The following ROCK1 variants were observed in gnomAD, a reference collection of about 807,000 sequenced individuals.
The protein encoded by ROCK1 is Rho associated coiled-coil containing protein kinase 1, also known as rho-associated protein kinase 1.
ROCK1 carries 36 observed loss-of-function variants against 196.8 expected under a neutral mutation model. The observed-to-expected ratio is 0.18, with a 90% CI of 0.14 to 0.24. The LOEUF (loss-of-function observed/expected upper bound fraction) is 0.24, where lower values mean the gene tolerates loss of function less well. ROCK1 is among the 10% of genes least tolerant of loss of function. ROCK1 has a pLI of 1.00. For synonymous variants in ROCK1, 443 were observed against 515.9 expected (o/e 0.86, Z 1.91); for missense variants, 920 against 1,562.0 (o/e 0.59, Z 6.93).
At chr18:21,032,506 G>GTTTTTTTTT (rs368055407) in intron 9 of ROCK1, among the ~76,000 whole-genome samples, 1 of 129,254 alleles carries the variant, frequency 7.7e-6, no homozygotes, top group African/African-American at 2.9e-5. Flanking sequence ...AAATAGGAAA[G>GTTTTTTTTT]TTTTTTTTTT....
At chr18:21,037,648 T>C (rs191485768) in intron 9 of ROCK1, among the ~76,000 whole-genome samples, 2 of 152,258 alleles carry the variant, frequency 1.3e-5, no homozygotes, top group Admixed American at 1.3e-4. Context: ...CCAAAATTCT[T>C]TTAAGTATGC....
At chr18:21,015,338 T>C (rs1217189468) in intron 13 of ROCK1, 93 bp downstream of exon 13, 12 of 864,014 alleles carry the variant, frequency 1.4e-5, no homozygotes, top group Non-Finnish European at 2.3e-5. Context: ...TGTTTCAAAC[T>C]ACAGAATTCA....
In ROCK1 at chr18:20,949,660, T is replaced by C. The variant is rs1048039487; in HGVS notation, c.*1724A>G. ...GATGTGTAGAAATGCAAGAGACCCA[T>C]GGAGAATTGTTTTCCAACACACTTT... On this transcript the variant is annotated 3_prime_UTR_variant, in exon 33 of 33. Transcript: ENST00000399799. 6.6e-6 allele frequency: 1 copy of C among 152,292 alleles called. No homozygotes were observed. The highest frequency in any genetic ancestry group is 2.4e-5 in the African/African-American group (1 of 41,464). 9.4% of individuals were successfully genotyped at this position (152,292 alleles called of 1,614,324 possible).
At chr18:21,050,488 C>T (rs941376250) in intron 2 of ROCK1, among the ~76,000 whole-genome samples, 16 of 152,076 alleles carry the variant, frequency 1.1e-4, no homozygotes, top group Admixed American at 9.8e-4. Context: ...ATACTACAAA[C>T]TACAATAATT....
At chr18:21,044,708 C>T (rs1014558972) in intron 5 of ROCK1, among the ~76,000 whole-genome samples, 1 of 152,184 alleles carries the variant, frequency 6.6e-6, no homozygotes, top group African/African-American at 2.4e-5. Context: ...AAGTGTTTAA[C>T]TCCTGGCACA....
intron 22 of ROCK1, among the ~76,000 whole-genome samples, chr18:20,978,079 G>C (rs558031842): frequency 6.6e-6 from 1 of 151,894 alleles, no homozygotes; most frequent in African/African-American, 2.4e-5. Flanking sequence ...TAATCAACTC[G>C]ATTAAGGCAA....
At chr18:20,973,844 G>T (rs1490063143) in intron 22 of ROCK1, among the ~76,000 whole-genome samples, 2 of 150,598 alleles carry the variant, frequency 1.3e-5, no homozygotes, top group Non-Finnish European at 3.0e-5. Flanking sequence ...ACCCAGGCTG[G>T]AGTGCAGTGG....
At chr18:21,098,587 C>T (rs754839485) in intron 1 of ROCK1, among the ~76,000 whole-genome samples, 2 of 148,648 alleles carry the variant, frequency 1.3e-5, no homozygotes, top group Non-Finnish European at 1.5e-5. Context: ...AAAAATTGTG[C>T]GGCAAAGTAA....
chr18:21,028,076 G>T (rs867596770), intron 10 of ROCK1, among the ~76,000 whole-genome samples: 1 of 148,834 alleles, frequency 6.7e-6, no homozygotes, highest in East Asian at 2.1e-4. Flanking sequence ...AATTTTTGAA[G>T]AGCTAAAAAT....
chr18:20,984,209 A>G (rs2035558014), intron 20 of ROCK1, 142 bp downstream of exon 20: 1 of 631,206 alleles, frequency 1.6e-6, no homozygotes, highest in South Asian at 2.5e-5. Flanking sequence ...CTTTGCAAGT[A>G]AATTCTTTTA....
chr18:20,970,271 C>T (rs894237592), intron 23 of ROCK1, 77 bp downstream of exon 23: 1 of 1,129,314 alleles, frequency 8.9e-7, no homozygotes, highest in African/African-American at 1.5e-5. Flanking sequence ...TGCACACACA[C>T]TTACCCTAAT....
At chr18:20,996,467 G>A (rs750346326) in intron 16 of ROCK1, among the ~76,000 whole-genome samples, 10 of 152,118 alleles carry the variant, frequency 6.6e-5, no homozygotes, top group Non-Finnish European at 1.2e-4. Flanking sequence ...GCCTTAAAGA[G>A]CAGGCAGAAA....
At chr18:20,970,287 A>C in intron 23 of ROCK1, 61 bp downstream of exon 23, 1 of 1,307,862 alleles carries the variant, frequency 7.6e-7, no homozygotes, top group South Asian at 1.2e-5. Context: ...CTAATATTTT[A>C]AGATGTGACC....
chr18:21,032,544 A>T (rs917374520), intron 9 of ROCK1, among the ~76,000 whole-genome samples: 8 of 149,294 alleles, frequency 5.4e-5, no homozygotes, highest in South Asian at 2.1e-4. Flanking sequence ...TCTCAAAAAC[A>T]CCCAGGAGTG....
At chr18:21,031,522 G>A (rs1246901215) in intron 9 of ROCK1, among the ~76,000 whole-genome samples, 10 of 149,148 alleles carry the variant, frequency 6.7e-5, no homozygotes, top group Non-Finnish European at 1.0e-4. Context: ...GGAGAATGGC[G>A]TGAACCCAGG....
intron 11 of ROCK1, 118 bp from the exon 12 acceptor site, chr18:21,020,357 C>T: frequency 2.1e-6 from 1 of 476,476 alleles, no homozygotes; most frequent in Non-Finnish European, 3.6e-6. Context: ...TTAATCTTAC[C>T]TCTTTCTATC....
At chr18:21,058,970 T>C (rs1442697950) in intron 2 of ROCK1, among the ~76,000 whole-genome samples, 1 of 152,110 alleles carries the variant, frequency 6.6e-6, no homozygotes, top group Non-Finnish European at 1.5e-5. Context: ...CATAGGCACA[T>C]AGGCACGCAT....
chr18:21,095,963 CCTA>C (rs1198932409), intron 1 of ROCK1, among the ~76,000 whole-genome samples: 1 of 150,960 alleles, frequency 6.6e-6, no homozygotes, highest in East Asian at 1.9e-4. Context: ...AATATATACA[CCTA>C]CTATGTATCC....
intron 1 of ROCK1, among the ~76,000 whole-genome samples, chr18:21,074,272 A>C (rs879362763): frequency 2.0e-5 from 3 of 152,216 alleles, no homozygotes; most frequent in Non-Finnish European, 4.4e-5. Context: ...TAACAACCTG[A>C]TATTAAATAC....
Sources: allele counts gnomAD v4.1 joint callset (sites outside exome capture counted in the v4.1 genomes callset), GRCh38; gene constraint gnomAD v4.1.1; transcripts MANE v1.5; gene names NCBI Gene and HGNC (gene_info 2026-07-23, HGNC 2026-07-21).